Variants in PAQR3 observed in about 807,000 individuals in gnomAD.
The protein encoded by PAQR3 is progestin and adipoQ receptor family member 3.
A neutral mutation model predicts 41.7 loss-of-function variants in PAQR3; 39 were observed. The observed-to-expected ratio is 0.93, with a 90% CI of 0.72 to 1.22. The LOEUF is 1.22. Ranked by LOEUF, PAQR3 falls within the 50% of genes most tolerant of loss-of-function variation. The pLI, the probability that PAQR3 is intolerant of heterozygous loss-of-function variation, is 0.00. For missense variants in PAQR3, 366 were observed against 385.6 expected, an observed-to-expected ratio of 0.95 and a Z score of 0.42; for synonymous variants, 140 against 140.6, an observed-to-expected ratio of 1.00 and a Z score of 0.03.
At chr4:78,899,315 A>G (rs1250875977) in intron 11 of PAQR3, among the ~76,000 whole-genome samples, 2 of 152,202 alleles carry the variant, frequency 1.3e-5, no homozygotes, top group African/African-American at 4.8e-5. Context: ...TGTTTCAGCA[A>G]AATTGGTGAA....
intron 11 of PAQR3, among the ~76,000 whole-genome samples, chr4:78,894,945 C>A (rs562059138): frequency 6.6e-6 from 1 of 152,220 alleles, no homozygotes; most frequent in African/African-American, 2.4e-5. Flanking sequence ...GGGAGAGAGA[C>A]ACGGAACAGC....
chr4:78,918,868 TA>T lies in PAQR3; in HGVS notation c.*1670del, dbSNP rs1222815589. ...TCATGTAAGCCAATAAGGGATGTTC[TA>T]GGAGAAATATATCCTACTACTGTTG... On this transcript the variant is annotated 3_prime_UTR_variant, in exon 6 of 6. Coordinates refer to ENST00000512733, the MANE Select transcript of PAQR3 (RefSeq NM_001040202.2). The T allele has an allele frequency of 1.0e-6, 1 of 984,470 alleles. No individual in the cohort carries two copies. The highest frequency in any genetic ancestry group is 1.2e-6 in the Non-Finnish European group (1 of 829,308). 61.0% of individuals were successfully genotyped at this position (984,470 alleles called of 1,614,324 possible).
chr4:78,895,559 A>T (rs1577969413), intron 11 of PAQR3, among the ~76,000 whole-genome samples: 1 of 152,298 alleles, frequency 6.6e-6, no homozygotes, highest in East Asian at 1.9e-4. Flanking sequence ...CACCTAAAAA[A>T]AAAAGAGGTA....
rs938942450 is a variant in PAQR3 at position 78,899,385 on chromosome 4, G to C, written c.*836+6723C>G. On this transcript the variant is annotated intron_variant and NMD_transcript_variant, in intron 11 of 12. Transcript: ENST00000342820. ...CAAGAAAAGAGTTCACATTCACATA[G>C]GTTGAGTTTGAGTTGTCTGTAGGGG... 1.3e-5 allele frequency among the ~76,000 whole-genome samples: 2 copies of C among 152,158 alleles called. 1 individual carries two copies.
chr4:78,930,467 C>T (rs1230395902), intron 2 of PAQR3, 142 bp from the exon 3 acceptor site: 36 of 797,406 alleles, frequency 4.5e-5, no homozygotes, highest in Non-Finnish European at 6.2e-5. Flanking sequence ...CCTTACATGG[C>T]TACTGTAGAG....
intron 11 of PAQR3, among the ~76,000 whole-genome samples, chr4:78,888,744 A>G (rs772171687): frequency 1.3e-5 from 2 of 152,110 alleles, no homozygotes; most frequent in South Asian, 2.1e-4. Flanking sequence ...ACTGTTTACT[A>G]TGGGTATTTA....
chr4:78,927,184 G>A (rs1308981420), intron 3 of PAQR3, among the ~76,000 whole-genome samples: 1 of 152,162 alleles, frequency 6.6e-6, no homozygotes, highest in Non-Finnish European at 1.5e-5. Context: ...GCTTCACAGA[G>A]ATGACATCTA....
At chr4:78,928,636 T>C (rs984915824) in intron 3 of PAQR3, among the ~76,000 whole-genome samples, 1 of 152,242 alleles carries the variant, frequency 6.6e-6, no homozygotes, top group African/African-American at 2.4e-5. Context: ...GTCTGGGGAC[T>C]GTGCCTTAGA....
chr4:78,929,618 C>G (rs1578027218), intron 3 of PAQR3, among the ~76,000 whole-genome samples: 1 of 152,212 alleles, frequency 6.6e-6, no homozygotes, highest in African/African-American at 2.4e-5. Flanking sequence ...ACACATCTCA[C>G]ATTTGTTAAA....
chr4:78,922,060 G>T, intron 5 of PAQR3: 1 of 1,028,556 alleles, frequency 9.7e-7, no homozygotes, highest in Non-Finnish European at 1.2e-6. Context: ...TCATGGTTTA[G>T]TGTTCTACTT....
chr4:78,911,296 C>T, downstream of PAQR3: 1 of 1,613,946 alleles, frequency 6.2e-7, no homozygotes, highest in Non-Finnish European at 8.5e-7. Context: ...TGCAGTGGGG[C>T]CTGAGGCACA....
Position 78,916,911 on chromosome 4 carries a change from G to A in PAQR3, c.*3628C>T, listed in dbSNP as rs911486711. 1 of 150,378 alleles carries A rather than the reference G, an allele frequency of 6.6e-6. No homozygotes were observed. The highest frequency in any genetic ancestry group is 2.5e-5 in the African/African-American group (1 of 40,760). The allele number at this position is 150,378 out of a possible 1,614,324, so 9.3% of individuals were successfully genotyped here. Reference sequence around the variant, plus strand: ...ATTCCAAAAACTGGAGTCTTTGGTAGCCTGTGGAAAGGTTCATCCTATTTT... The same window carrying A: ...ATTCCAAAAACTGGAGTCTTTGGTAACCTGTGGAAAGGTTCATCCTATTTT... On this transcript the variant is annotated 3_prime_UTR_variant, in exon 6 of 6. Transcript: ENST00000512733.
At position 78,939,290 on chromosome 4, in the gene PAQR3, G is replaced by A. The variant is rs1737793690; in HGVS notation, c.-66C>T. On this transcript the variant is annotated 5_prime_UTR_variant, in exon 1 of 6. Coordinates refer to ENST00000512733, the MANE Select transcript of PAQR3 (RefSeq NM_001040202.2). ...CAGGTCCCGCCTCCCCGGGGAGGGG[G>A]CTTCGCCGCTGGCGCCCCCGCCCCG... 8.9e-6 allele frequency: 13 copies of A among 1,457,028 alleles called. No individual in the cohort carries two copies. The highest frequency in any genetic ancestry group is 1.2e-5 in the Non-Finnish European group (13 of 1,098,380). 90.3% of individuals were successfully genotyped at this position (1,457,028 alleles called of 1,614,324 possible).
chr4:78,910,904 C>T, downstream of PAQR3: 21 of 1,613,946 alleles, frequency 1.3e-5, no homozygotes, highest in Non-Finnish European at 1.7e-5. Context: ...GGTCATAGGC[C>T]TCTCCTCATG....
chr4:78,908,303 G>T (rs1734387979), downstream of PAQR3, among the ~76,000 whole-genome samples: 1 of 152,152 alleles, frequency 6.6e-6, no homozygotes, highest in African/African-American at 2.4e-5. Context: ...GCCATTTTAT[G>T]TCCTTAGTTT....
chr4:78,937,167 C>T (rs1737514992), intron 1 of PAQR3, among the ~76,000 whole-genome samples: 1 of 152,194 alleles, frequency 6.6e-6, no homozygotes, highest in Non-Finnish European at 1.5e-5. Flanking sequence ...CATCTGAGCC[C>T]CTGTCCCATC....
At position 78,920,587 on chromosome 4, in the gene PAQR3, C is replaced by CAT; in HGVS notation, c.886_887dup (p.Met296IlefsTer25). ...GACAAGGCTTGCTATGTCTGTACTG[C>CAT]ATGACATACACTGTTGACTGATGCC... On this transcript the variant is annotated frameshift_variant, in exon 6 of 6. Transcript: ENST00000512733. LOFTEE classifies it high-confidence loss of function. The CAT allele has an allele frequency of 6.2e-7, 1 of 1,611,822 alleles. No homozygotes were observed. Among genetic ancestry groups the CAT allele is most frequent in the Non-Finnish European group, 8.5e-7 (1 of 1,178,570 alleles).
chr4:78,928,174 A>G (rs981237475), intron 3 of PAQR3, among the ~76,000 whole-genome samples: 2 of 152,350 alleles, frequency 1.3e-5, no homozygotes, highest in African/African-American at 4.8e-5. Flanking sequence ...AAACAGTTTC[A>G]GAGAAATACA....
At chr4:78,899,511 A>C (rs1278730340) in intron 11 of PAQR3, among the ~76,000 whole-genome samples, 5 of 152,194 alleles carry the variant, frequency 3.3e-5, no homozygotes, top group Admixed American at 3.3e-4. Flanking sequence ...AGTTCATGCC[A>C]GTTAGAAGAG....
Sources: gnomAD v4.1 joint callset for allele counts (sites outside exome capture counted in the v4.1 genomes callset) on GRCh38, gnomAD v4.1.1 for gene constraint, MANE v1.5 for transcripts, NCBI Gene and HGNC (gene_info 2026-07-23, HGNC 2026-07-21) for gene names.